Variants in LRRFIP2 observed in about 807,000 individuals in gnomAD.
LRRFIP2 encodes LRR binding FLII interacting protein 2, also known as leucine-rich repeat flightless-interacting protein 2.
A neutral mutation model predicts 125.9 loss-of-function variants in LRRFIP2; 109 were observed. That is an observed-to-expected ratio of 0.87 (90% CI 0.74 to 1.01). The LOEUF (loss-of-function observed/expected upper bound fraction) is 1.01, where lower values mean the gene tolerates loss of function less well. LRRFIP2 is among the 50% of genes least tolerant of loss of function. The pLI, the probability that LRRFIP2 is intolerant of heterozygous loss-of-function variation, is 0.00. For synonymous variants in LRRFIP2, 291 were observed against 293.1 expected (o/e 0.99, Z 0.07); for missense variants, 850 against 862.3 (o/e 0.99, Z 0.18).
At chr3:37,129,040 T>C (rs2095358468) in intron 3 of LRRFIP2, 23 bp downstream of exon 3, 6 of 1,600,816 alleles carry the variant, frequency 3.7e-6, no homozygotes, top group Non-Finnish European at 4.3e-6. Flanking sequence ...AAATATGAAA[T>C]TAGGGTTATT....
At chr3:37,059,797 AAAT>A (rs1553684241) in intron 24 of LRRFIP2, among the ~76,000 whole-genome samples, 2 of 145,220 alleles carry the variant, frequency 1.4e-5, no homozygotes, top group African/African-American at 2.5e-5. Flanking sequence ...AAAAAAAAAA[AAAT>A]AATAATAATA....
chr3:37,058,338 C>T (rs1010239569), intron 25 of LRRFIP2, among the ~76,000 whole-genome samples: 44 of 152,260 alleles, frequency 2.9e-4, no homozygotes, highest in African/African-American at 1.0e-3. Flanking sequence ...TCTGGACTAG[C>T]CAAGGACTAA....
At chr3:37,125,476 C>G (rs776356428) in intron 4 of LRRFIP2, among the ~76,000 whole-genome samples, 1 of 152,192 alleles carries the variant, frequency 6.6e-6, no homozygotes, top group Non-Finnish European at 1.5e-5. Flanking sequence ...GTGGCACTCT[C>G]TCATACCTTC....
chr3:37,075,062 G>A lies in LRRFIP2; in HGVS notation c.1333C>T (p.Leu445Phe), dbSNP rs1231247953. 1.2e-6 allele frequency: 2 copies of A among 1,612,678 alleles called. No individual in the cohort carries two copies. The highest frequency in any genetic ancestry group is 2.2e-5 in the East Asian group (1 of 44,824). ...TCTCTTTGCCGCAGGCCTTCTTTAA[G>A]TTCTTCCATCTTATGCTGCAGCACA... ...CSVLQHKMEE[L>F]KEGLRQRDEL... Residue 445 changes from leucine (L) to phenylalanine (F), a missense_variant, in exon 20 of 28, where the codon CTT becomes TTT. Physicochemically the swap from Leu to Phe is conservative, Grantham distance 22. Coordinates refer to ENST00000336686, the MANE Select transcript of LRRFIP2 (RefSeq NM_006309.4).
chr3:37,073,658 A>C (rs1034369945), intron 20 of LRRFIP2, among the ~76,000 whole-genome samples: 10 of 152,228 alleles, frequency 6.6e-5, no homozygotes, highest in African/African-American at 2.4e-4. Flanking sequence ...AAAAACATCT[A>C]AAACTATAGT....
At chr3:37,160,502 G>A (rs959631104) in intron 1 of LRRFIP2, among the ~76,000 whole-genome samples, 4 of 152,012 alleles carry the variant, frequency 2.6e-5, no homozygotes, top group Non-Finnish European at 4.4e-5. Flanking sequence ...GAACAGGGTC[G>A]GGCGCAGTGT....
rs1392762450 is a variant in LRRFIP2, at chr3:37,115,530, G to C, written c.331-435C>G. Among the ~76,000 whole-genome samples, 4 of 152,158 alleles carry C rather than the reference G, an allele frequency of 2.6e-5. No homozygotes were observed. In the East Asian group the frequency reaches 7.7e-4, roughly 29 times the overall value. On this transcript the variant is annotated intron_variant, in intron 6 of 27. Transcript: ENST00000336686. ...AAAGCAAAGGATGAACAGGCAATGA[G>C]GCAAGCTGACATAACAAGCATGGTC... is the stretch of plus-strand genomic sequence containing the variant.
intron 18 of LRRFIP2, among the ~76,000 whole-genome samples, chr3:37,084,498 T>TAA (rs201080813): frequency 1.4e-4 from 21 of 146,036 alleles, no homozygotes; most frequent in African/African-American, 4.8e-4. Context: ...CCTGTCTCTG[T>TAA]AAAAAAAAAA....
At chr3:37,079,229 C>T (rs185035612) in intron 19 of LRRFIP2, among the ~76,000 whole-genome samples, 4 of 152,126 alleles carry the variant, frequency 2.6e-5, no homozygotes, top group Admixed American at 2.6e-4. Flanking sequence ...GGGAGATGCA[C>T]ATCAAAACCA....
intron 23 of LRRFIP2, chr3:37,064,288 C>T (rs2089577147): frequency 6.4e-6 from 1 of 155,284 alleles, no homozygotes; most frequent in Admixed American, 6.5e-5. Context: ...GAAGGGGACC[C>T]ACTCCAAGAT....
At position 37,060,350 on chromosome 3, in the gene LRRFIP2, C is replaced by T. The variant is rs534568756; in HGVS notation, c.1750-1440G>A. 6.6e-6 allele frequency among the ~76,000 whole-genome samples: 1 copy of T among 152,216 alleles called. No homozygotes were observed. Among genetic ancestry groups the T allele is most frequent in the Admixed American group, 6.5e-5 (1 of 15,286 alleles). On this transcript the variant is annotated intron_variant, in intron 24 of 27. Coordinates refer to ENST00000336686, the MANE Select transcript of LRRFIP2 (RefSeq NM_006309.4). The surrounding 1 kb of genome is among the most constrained non-coding windows in gnomAD (Gnocchi z 4.1). ...TTGAGACAGGGTCTCGCTCTGTGGC[C>T]CAGACTGGAGTGCAGTGGCATGATC...
At chr3:37,153,906 A>C (rs1433514311) in intron 1 of LRRFIP2, among the ~76,000 whole-genome samples, 1 of 152,070 alleles carries the variant, frequency 6.6e-6, no homozygotes, top group Non-Finnish European at 1.5e-5. Context: ...TCAAAGGATA[A>C]CCTAGTACTT....
At chr3:37,072,501 C>CAAAAA (rs907848276) in intron 21 of LRRFIP2, among the ~76,000 whole-genome samples, 24 of 34,448 alleles carry the variant, frequency 7.0e-4, no homozygotes, top group East Asian at 1.9e-3. Flanking sequence ...GACTCCGTCT[C>CAAAAA]AAAAAAAAAA....
intron 2 of LRRFIP2, among the ~76,000 whole-genome samples, chr3:37,140,864 T>C (rs1231941580): frequency 2.0e-5 from 3 of 152,196 alleles, no homozygotes; most frequent in Non-Finnish European, 4.4e-5. Flanking sequence ...TCAACTACTT[T>C]GCTCCCATCA....
At chr3:37,173,993 G>C (rs2096622037) in intron 1 of LRRFIP2, 1 of 152,160 alleles carries the variant, frequency 6.6e-6, no homozygotes, top group Non-Finnish European at 1.5e-5. Context: ...TTCCAAAAGG[G>C]AATCTGTGTT....
chr3:37,101,153 C>G (rs2094016775), intron 15 of LRRFIP2, among the ~76,000 whole-genome samples: 1 of 151,124 alleles, frequency 6.6e-6, no homozygotes, highest in Non-Finnish European at 1.5e-5. Context: ...GTCAGGAGTT[C>G]AAGACCAACC....
At chr3:37,076,021 C>T (rs1340861546) in intron 19 of LRRFIP2, among the ~76,000 whole-genome samples, 1 of 152,100 alleles carries the variant, frequency 6.6e-6, no homozygotes, top group Non-Finnish European at 1.5e-5. Flanking sequence ...AACTATACCT[C>T]ATACCACACA....
intron 24 of LRRFIP2, among the ~76,000 whole-genome samples, chr3:37,061,514 C>A (rs2088715879): frequency 6.6e-6 from 1 of 151,642 alleles, no homozygotes; most frequent in African/African-American, 2.4e-5. Flanking sequence ...CCTCAGCTTC[C>A]CAAGTAGCTG....
chr3:37,099,953 T>G (rs995517473), intron 15 of LRRFIP2, among the ~76,000 whole-genome samples: 1 of 152,136 alleles, frequency 6.6e-6, no homozygotes, highest in Non-Finnish European at 1.5e-5. Context: ...AATCATAATA[T>G]TTCATGTTGA....
Sources: allele counts gnomAD v4.1 joint callset (sites outside exome capture counted in the v4.1 genomes callset), GRCh38; gene constraint gnomAD v4.1.1; non-coding constraint Gnocchi (gnomAD v3.1); transcripts MANE v1.5; gene names NCBI Gene and HGNC (gene_info 2026-07-23, HGNC 2026-07-21).